The following IFT43 variants were observed in gnomAD, a reference collection of about 807,000 sequenced individuals.
The protein encoded by IFT43 is intraflagellar transport protein 43 homolog.
In IFT43, 33 loss-of-function variants were observed where a neutral mutation model predicts 32.3. The ratio of observed to expected loss-of-function variants is 1.02; its 90% CI spans 0.77 to 1.37. The LOEUF is 1.37. Ranked by LOEUF, IFT43 falls within the 40% of genes most tolerant of loss-of-function variation. The pLI is 0.00. For synonymous variants in IFT43, 93 were observed against 98.2 expected (o/e 0.95, Z 0.31); for missense variants, 274 against 265.9 (o/e 1.03, Z -0.21).
rs28588914 is a variant in IFT43, at chr14:76,068,634, T to C, written c.295+9261T>C. Among the ~76,000 whole-genome samples the C allele has an allele frequency of 4.5e-3, 679 of 152,316 alleles. 2 individuals are homozygous for C. The highest frequency in any genetic ancestry group is 0.016 in the African/African-American group (649 of 41,558). ...AGATGACCATCCTTCAGTGGCATAATCATCCATTCTTGCTCTTGGAATCAA... is the reference window on the plus strand; with the variant it reads ...AGATGACCATCCTTCAGTGGCATAACCATCCATTCTTGCTCTTGGAATCAA... On this transcript the variant is annotated intron_variant, in intron 5 of 8. Coordinates refer to ENST00000314067, the MANE Select transcript of IFT43 (RefSeq NM_001102564.3).
At chr14:76,049,347 T>C (rs951270530) in intron 3 of IFT43, among the ~76,000 whole-genome samples, 2 of 152,226 alleles carry the variant, frequency 1.3e-5, no homozygotes, top group Non-Finnish European at 2.9e-5. Context: ...TTAACACTTC[T>C]CTAACCCTAC....
chr14:76,035,459 C>T (rs533157941), intron 3 of IFT43, among the ~76,000 whole-genome samples: 2 of 152,104 alleles, frequency 1.3e-5, no homozygotes, highest in Admixed American at 6.5e-5. Context: ...CTCTTTCTCT[C>T]TCTCTCTTTT....
At chr14:76,010,217 C>T (rs1231612755) in intron 2 of IFT43, among the ~76,000 whole-genome samples, 2 of 152,316 alleles carry the variant, frequency 1.3e-5, no homozygotes, top group East Asian at 3.9e-4. Context: ...TCCTCCGTCA[C>T]CTGTAGTCAT....
rs764557988 is a variant in IFT43 at position 76,058,729 on chromosome 14, G to A, written c.248+55G>A. ...TATCCTATGTTGATCTTGGTCAACA[G>A]TGCAGTCTTGGTGGTCATGATCTGT... On this transcript the variant is annotated intron_variant, in intron 4 of 8. Transcript: ENST00000314067. 4.3e-6 allele frequency: 7 copies of A among 1,609,370 alleles called. No homozygotes were observed. The Middle Eastern group carries it at 6.6e-4, about 152-fold the overall frequency.
intron 5 of IFT43, among the ~76,000 whole-genome samples, chr14:76,080,792 A>G (rs2140096721): frequency 6.6e-6 from 1 of 152,384 alleles, no homozygotes; most frequent in Non-Finnish European, 1.5e-5. Context: ...TTCTATTAGC[A>G]TAAGAAATAG....
At chr14:76,074,011 C>G (rs1278517645) in intron 5 of IFT43, among the ~76,000 whole-genome samples, 3 of 152,074 alleles carry the variant, frequency 2.0e-5, no homozygotes, top group Non-Finnish European at 4.4e-5. Flanking sequence ...AGAAGCATTC[C>G]GTATGTGGGG....
At chr14:76,001,731 G>A (rs571910645) in intron 2 of IFT43, among the ~76,000 whole-genome samples, 26 of 152,208 alleles carry the variant, frequency 1.7e-4, no homozygotes, top group African/African-American at 5.8e-4. Flanking sequence ...TTATTTTCTC[G>A]CACTTCTAGA....
In IFT43 at chr14:76,082,373, T is replaced by A; in HGVS notation, c.368+6T>A. ...CAGGTGGCAGCCCCTCCCAGGTAGG[T>A]TAAATCAGATATGATTGGGGAGGCA... On this transcript the variant is annotated splice_donor_region_variant and intron_variant, in intron 6 of 8. Transcript: ENST00000314067. 2 of 1,550,674 alleles carry A rather than the reference T, an allele frequency of 1.3e-6. No individual in the cohort carries two copies. Among genetic ancestry groups the A allele is most frequent in the Non-Finnish European group, 8.9e-7 (1 of 1,122,124 alleles).
At chr14:76,074,684 G>A (rs1210329153) in intron 5 of IFT43, among the ~76,000 whole-genome samples, 2 of 152,184 alleles carry the variant, frequency 1.3e-5, no homozygotes, top group Admixed American at 6.5e-5. Flanking sequence ...GATGACATTC[G>A]TGGCTCCTTC....
intron 3 of IFT43, among the ~76,000 whole-genome samples, chr14:76,036,748 C>T (rs1390369717): frequency 6.6e-6 from 1 of 151,588 alleles, no homozygotes; most frequent in Non-Finnish European, 1.5e-5. Context: ...CTGCAACAAT[C>T]ACCACCCCCC....
chr14:76,011,477 A>G (rs891419165), intron 2 of IFT43, among the ~76,000 whole-genome samples: 3 of 152,168 alleles, frequency 2.0e-5, no homozygotes, highest in Non-Finnish European at 2.9e-5. Flanking sequence ...GCTAAGTTTG[A>G]TCACTGAGTT....
intron 2 of IFT43, among the ~76,000 whole-genome samples, chr14:75,992,317 G>A (rs558852303): frequency 6.6e-6 from 1 of 152,214 alleles, no homozygotes; most frequent in Non-Finnish European, 1.5e-5. Context: ...GGGCAAGTGA[G>A]ATACGCATTG....
intron 2 of IFT43, among the ~76,000 whole-genome samples, chr14:76,006,033 A>C (rs1238592999): frequency 6.6e-6 from 1 of 151,770 alleles, no homozygotes; most frequent in Non-Finnish European, 1.5e-5. Context: ...GTTTGTGTCC[A>C]TTTTCCCTTG....
chr14:76,053,864 C>T (rs2036960905), intron 3 of IFT43, among the ~76,000 whole-genome samples: 1 of 152,134 alleles, frequency 6.6e-6, no homozygotes, highest in Admixed American at 6.5e-5. Flanking sequence ...GTGGAGAACA[C>T]CTGCTTAGTT....
chr14:75,995,602 C>T (rs1243008245), intron 2 of IFT43, among the ~76,000 whole-genome samples: 1 of 152,206 alleles, frequency 6.6e-6, no homozygotes, highest in African/African-American at 2.4e-5. Context: ...CATTACGTCT[C>T]TCGCCCTCCG....
At chr14:75,985,881 G>T (rs1185475762) in intron 1 of IFT43, 41 bp downstream of exon 1, 2 of 1,608,402 alleles carry the variant, frequency 1.2e-6, no homozygotes, top group South Asian at 1.1e-5. Flanking sequence ...AGGATTTGGC[G>T]GGTGGGGAGG....
At chr14:76,002,152 CAGG>C (rs1156915358) in intron 2 of IFT43, among the ~76,000 whole-genome samples, 3 of 152,206 alleles carry the variant, frequency 2.0e-5, no homozygotes, top group African/African-American at 7.2e-5. Context: ...GAGGCTGAGA[CAGG>C]AGAATTGCTT....
At position 76,072,556 on chromosome 14, in the gene IFT43, G is replaced by A. The variant is rs545844022; in HGVS notation, c.296-9739G>A. Reference sequence around the variant, plus strand: ...AGCTTGCTTGCATGCATCTGAAGAGGTAGAATGTGAAGAATGAAAATGGAA... The same window carrying A: ...AGCTTGCTTGCATGCATCTGAAGAGATAGAATGTGAAGAATGAAAATGGAA... On this transcript the variant is annotated intron_variant, in intron 5 of 8. Transcript: ENST00000314067. Among the ~76,000 whole-genome samples the A allele has an allele frequency of 4.1e-4, 63 of 152,254 alleles. No homozygotes were observed. In the South Asian group the frequency reaches 0.012, roughly 28 times the overall value.
chr14:76,009,582 C>T, intron 2 of IFT43, among the ~76,000 whole-genome samples: 1 of 152,242 alleles, frequency 6.6e-6, no homozygotes, highest in Middle Eastern at 3.4e-3. Context: ...TTGGTGTTGC[C>T]ATTTACATCT....
Sources: allele counts gnomAD v4.1 joint callset (sites outside exome capture counted in the v4.1 genomes callset), GRCh38; gene constraint gnomAD v4.1.1; transcripts MANE v1.5; gene names NCBI Gene and HGNC (gene_info 2026-07-23, HGNC 2026-07-21).